The following ARFGEF3 variants were observed in gnomAD, a reference collection of about 807,000 sequenced individuals.
ARFGEF3 encodes the protein ARFGEF family member 3.
In ARFGEF3, 96 loss-of-function variants were observed where a neutral mutation model predicts 221.7. The ratio of observed to expected loss-of-function variants is 0.43; its 90% confidence interval spans 0.37 to 0.51. The LOEUF is 0.51. ARFGEF3 is among the 20% of genes least tolerant of loss of function. The pLI is 0.00. For synonymous variants in ARFGEF3, 1,145 were observed against 1,126.8 expected, an observed-to-expected ratio of 1.02 and a Z score of -0.32; for missense variants, 2,410 against 2,789.9, an observed-to-expected ratio of 0.86 and a Z score of 3.07.
chr6:138,321,063 C>G, intron 28 of ARFGEF3, 48 bp from the exon 29 acceptor site: 1 of 1,071,084 alleles, frequency 9.3e-7, no homozygotes, highest in Non-Finnish European at 1.4e-6. Context: ...TCAATCTACC[C>G]CTTTACACTA....
intron 2 of ARFGEF3, among the ~76,000 whole-genome samples, chr6:138,188,724 T>C (rs945048930): frequency 6.6e-6 from 1 of 152,226 alleles, no homozygotes; most frequent in African/African-American, 2.4e-5. Flanking sequence ...AGAAACAGTC[T>C]TGTCTTCACA....
chr6:138,213,302 A>AT (rs1338913961), intron 4 of ARFGEF3, among the ~76,000 whole-genome samples: 1 of 151,438 alleles, frequency 6.6e-6, no homozygotes, highest in Non-Finnish European at 1.5e-5. Flanking sequence ...AAAAAAAAAA[A>AT]AAAATTTAGC....
chr6:138,205,252 C>T lies in ARFGEF3; in HGVS notation c.138-1790C>T, dbSNP rs149661903. ...TTTGTACATTTTTAGCTCATAGCTA[C>T]GGGATATATTTCCTCTTCCCTGGGC... On this transcript the variant is annotated intron_variant, in intron 2 of 33. Transcript: ENST00000251691. 8.5e-4 allele frequency among the ~76,000 whole-genome samples: 130 copies of T among 152,266 alleles called. 2 individuals are homozygous for T. In the South Asian group the frequency reaches 0.011, roughly 13 times the overall value.
intron 2 of ARFGEF3, among the ~76,000 whole-genome samples, chr6:138,185,186 AC>A (rs1164985130): frequency 2.6e-5 from 4 of 152,108 alleles, no homozygotes; most frequent in African/African-American, 9.7e-5. Context: ...TTCCTCCAAA[AC>A]GTTTCACCTT....
In ARFGEF3 at chr6:138,274,640, A is replaced by G. The variant is rs148376718; in HGVS notation, c.2129-3811A>G. On this transcript the variant is annotated intron_variant, in intron 12 of 33. Coordinates refer to ENST00000251691, the MANE Select transcript of ARFGEF3 (RefSeq NM_020340.5). ...GAGAAACCCCATCTCTACTAAAAAT[A>G]CAAAATTAGCCAGGCATGGTGGTGC... Among the ~76,000 whole-genome samples the G allele has an allele frequency of 1.8e-3, 276 of 152,212 alleles. 3 individuals are homozygous for G. Among genetic ancestry groups the G allele is most frequent in the African/African-American group, 6.5e-3 (268 of 41,536 alleles).
intron 32 of ARFGEF3, 24 bp from the exon 33 acceptor site, chr6:138,333,946 C>T: frequency 1.3e-6 from 2 of 1,581,398 alleles, no homozygotes; most frequent in Non-Finnish European, 1.7e-6. Context: ...AACCATTAAT[C>T]GAGCCCTCTC....
intron 14 of ARFGEF3, among the ~76,000 whole-genome samples, chr6:138,285,073 C>T (rs1231809763): frequency 1.3e-5 from 2 of 152,158 alleles, no homozygotes; most frequent in Non-Finnish European, 2.9e-5. Context: ...TCTGTCTCTT[C>T]CTCTGTGAAA....
intron 2 of ARFGEF3, among the ~76,000 whole-genome samples, chr6:138,196,250 C>G (rs1056718088): frequency 2.0e-5 from 3 of 152,092 alleles, no homozygotes; most frequent in African/African-American, 7.2e-5. Flanking sequence ...GGGGATAGGT[C>G]CTAAGAAATA....
At chr6:138,265,711 C>T (rs1778879762) in intron 12 of ARFGEF3, among the ~76,000 whole-genome samples, 2 of 152,184 alleles carry the variant, frequency 1.3e-5, no homozygotes, top group East Asian at 3.9e-4. Flanking sequence ...CCGAATTGTG[C>T]TATATGCTAA....
intron 14 of ARFGEF3, among the ~76,000 whole-genome samples, chr6:138,283,573 T>A (rs978764911): frequency 1.7e-4 from 26 of 152,230 alleles, no homozygotes; most frequent in African/African-American, 6.0e-4. Context: ...GTTTGGAGAC[T>A]TCTATTTGAT....
At chr6:138,175,693 C>T (rs1251553951) in intron 2 of ARFGEF3, among the ~76,000 whole-genome samples, 1 of 152,158 alleles carries the variant, frequency 6.6e-6, no homozygotes, top group African/African-American at 2.4e-5. Flanking sequence ...TGGAGGCTAC[C>T]GATCAAGAAC....
In ARFGEF3 at chr6:138,165,436, G is replaced by A. The variant is rs570325245; in HGVS notation, c.85+3265G>A. Among the ~76,000 whole-genome samples, 17 of 141,434 alleles carry A rather than the reference G, an allele frequency of 1.2e-4. No individual in the cohort carries two copies. The South Asian group carries it at 1.9e-3, about 16-fold the overall frequency. The allele number at this position is 141,434 out of a possible 152,430, so 92.8% of individuals were successfully genotyped here. A position where few individuals can be genotyped will look rare whatever the true frequency, so the allele number is the denominator to read the frequency against. Reference sequence around the variant, plus strand: ...AGAGAGGGGTCATCCTCACTTAGACGCTCATGGGAGAGAGGGTCATTCCCC... The same window carrying A: ...AGAGAGGGGTCATCCTCACTTAGACACTCATGGGAGAGAGGGTCATTCCCC... On this transcript the variant is annotated intron_variant, in intron 1 of 33. Transcript: ENST00000251691.
Position 138,218,017 on chromosome 6 carries a change from A to G in ARFGEF3, c.351+7976A>G, listed in dbSNP as rs773140506. 12 of 1,612,540 alleles carry G rather than the reference A, an allele frequency of 7.4e-6. No individual in the cohort carries two copies. The South Asian group carries it at 8.8e-5, about 12-fold the overall frequency. On this transcript the variant is annotated intron_variant, in intron 4 of 33. Transcript: ENST00000251691. ...ATGATCTGTGGATGTATAGTTTTGG[A>G]TAAGTAGAGAAGACAGCATTCCAGA... is the stretch of plus-strand genomic sequence containing the variant.
chr6:138,212,490 C>G (rs1293731703), intron 4 of ARFGEF3, among the ~76,000 whole-genome samples: 1 of 152,182 alleles, frequency 6.6e-6, no homozygotes, highest in Non-Finnish European at 1.5e-5. Flanking sequence ...ACCAGAAATA[C>G]CATTTGACCC....
rs1780371615 is a variant in ARFGEF3 at position 138,338,434 on chromosome 6, C to T, written c.*1948C>T. 6.6e-6 allele frequency: 1 copy of T among 152,098 alleles called. No individual in the cohort carries two copies. The highest frequency in any genetic ancestry group is 2.4e-5 in the African/African-American group (1 of 41,406). 9.4% of individuals were successfully genotyped at this position (152,098 alleles called of 1,614,324 possible). A position where few individuals can be genotyped will look rare whatever the true frequency, so the allele number is the denominator to read the frequency against. ...GGAAAAGGCTTCAGTAAAGCAGAGGCTAGAATTACAGTATTTATACATAGC... is the reference window on the plus strand; with the variant it reads ...GGAAAAGGCTTCAGTAAAGCAGAGGTTAGAATTACAGTATTTATACATAGC... On this transcript the variant is annotated 3_prime_UTR_variant, in exon 34 of 34. Transcript: ENST00000251691.
intron 3 of ARFGEF3, among the ~76,000 whole-genome samples, chr6:138,209,126 TG>T (rs1327614894): frequency 6.6e-6 from 1 of 152,186 alleles, no homozygotes; most frequent in Non-Finnish European, 1.5e-5. Flanking sequence ...CATTTTCTGA[TG>T]GGGACATACA....
Position 138,324,134 on chromosome 6 carries a change from A to T in ARFGEF3, c.4981A>T (p.Ile1661Phe), listed in dbSNP as rs1270848745. The change falls in exon 31 of 34, where the codon ATC becomes TTC. Residue 1661 changes from isoleucine to phenylalanine, a missense_variant. Physicochemically the swap from Ile to Phe is conservative, Grantham distance 21. Transcript: ENST00000251691. ...AAGTGCCGAGGCCGAGTACTGGCGCATCCGAGCCATGGCCCAGCAGGTAAG... is the reference window on the plus strand; with the variant it reads ...AAGTGCCGAGGCCGAGTACTGGCGCTTCCGAGCCATGGCCCAGCAGGTAAG... ...SPSAEAEYWR[I>F]RAMAQQVFML... The T allele has an allele frequency of 6.2e-7, 1 of 1,613,598 alleles. No individual in the cohort carries two copies. Among genetic ancestry groups the T allele is most frequent in the Non-Finnish European group, 8.5e-7 (1 of 1,179,834 alleles).
intron 20 of ARFGEF3, among the ~76,000 whole-genome samples, chr6:138,295,037 T>G (rs937220761): frequency 1.3e-5 from 2 of 152,188 alleles, no homozygotes; most frequent in African/African-American, 4.8e-5. Flanking sequence ...AAAGCCAACC[T>G]CCCAGGCCCA....
At chr6:138,279,865 G>C in intron 13 of ARFGEF3, 134 bp from the exon 14 acceptor site, 1 of 767,802 alleles carries the variant, frequency 1.3e-6, no homozygotes, top group East Asian at 2.6e-5. Context: ...CTCCCCACTT[G>C]CCGCCCCCTT....
Sources: gnomAD v4.1 joint callset for allele counts (sites outside exome capture counted in the v4.1 genomes callset) on GRCh38, gnomAD v4.1.1 for gene constraint, MANE v1.5 for transcripts, NCBI Gene and HGNC (gene_info 2026-07-23, HGNC 2026-07-21) for gene names.